The following BCL6 variants were observed in gnomAD, a reference collection of about 807,000 sequenced individuals.
The protein encoded by BCL6 is BCL6 transcription repressor.
A neutral mutation model predicts 59.5 loss-of-function variants in BCL6; 7 were observed. The ratio of observed to expected loss-of-function variants is 0.12; its 90% CI spans 0.07 to 0.22. The LOEUF is 0.22. Among genes scored for constraint, BCL6 ranks in the 10% least tolerant of loss-of-function variants. The pLI is 1.00. For missense variants in BCL6, 685 were observed against 939.4 expected (o/e 0.73, Z 3.54); for synonymous variants, 339 against 349.7 (o/e 0.97, Z 0.34).
At chr3:187,733,318 A>T (rs1719134813) in intron 3 of BCL6, among the ~76,000 whole-genome samples, 1 of 151,902 alleles carries the variant, frequency 6.6e-6, no homozygotes, top group South Asian at 2.1e-4. Context: ...CTCTATGCCC[A>T]CAGAACGTGG....
chr3:187,725,445 C>A lies in BCL6; in HGVS notation c.1839+54G>T. The A allele has an allele frequency of 6.5e-7, 1 of 1,550,002 alleles. No individual in the cohort carries two copies. Among genetic ancestry groups the A allele is most frequent in the South Asian group, 1.1e-5 (1 of 87,054 alleles). On this transcript the variant is annotated intron_variant, in intron 8 of 9. Coordinates refer to ENST00000406870, the MANE Select transcript of BCL6 (RefSeq NM_001706.5). This position sits in a 1 kb window ranked among gnomAD's most constrained non-coding sequence, Gnocchi z 4.7. ...CCGCTTGCCTGCCCACTCCTCCGCT[C>A]GCCTGCCCGCTCCGCTCGCCTGCCC...
At chr3:187,730,446 A>G (rs1273861706) in intron 4 of BCL6, among the ~76,000 whole-genome samples, 2 of 152,252 alleles carry the variant, frequency 1.3e-5, no homozygotes, top group Non-Finnish European at 2.9e-5. Context: ...ACACATAGGG[A>G]AACAGGAAAA....
At chr3:187,730,473 G>A (rs1027154449) in intron 4 of BCL6, among the ~76,000 whole-genome samples, 3 of 152,190 alleles carry the variant, frequency 2.0e-5, no homozygotes, top group African/African-American at 7.2e-5. Flanking sequence ...ATACAATGTT[G>A]GTATGACACT....
chr3:187,730,038 G>T lies in BCL6; in HGVS notation c.384-17C>A, dbSNP rs1718962501. ...TCTGCTTCACTGTGAAAGAAAAAAAGAGGAAAGACACCGGCCCCAAATCAG... is the reference window on the plus strand; with the variant it reads ...TCTGCTTCACTGTGAAAGAAAAAAATAGGAAAGACACCGGCCCCAAATCAG... On this transcript the variant is annotated splice_polypyrimidine_tract_variant and intron_variant, in intron 4 of 9. Coordinates refer to ENST00000406870, the MANE Select transcript of BCL6 (RefSeq NM_001706.5). 2.0e-6 allele frequency: 3 copies of T among 1,530,756 alleles called. No homozygotes were observed. The highest frequency in any genetic ancestry group is 2.6e-6 in the Non-Finnish European group (3 of 1,139,842). 94.8% of individuals were successfully genotyped at this position (1,530,756 alleles called of 1,614,324 possible).
Position 187,731,801 on chromosome 3 carries a change from C to A in BCL6, c.291G>T (p.Leu97Phe). 6.2e-7 allele frequency: 1 copy of A among 1,614,174 alleles called. No individual in the cohort carries two copies. Among genetic ancestry groups the A allele is most frequent in the Non-Finnish European group, 8.5e-7 (1 of 1,180,028 alleles). The change falls in exon 4 of 10, where the codon TTG becomes TTT. Residue 97 changes from leucine (L) to phenylalanine (F), a missense_variant. Physicochemically the swap from Leu to Phe is conservative, Grantham distance 22. This residue lies in a region of BCL6 where 102 missense variants were observed against 176.6 expected (regional missense o/e 0.58). Transcript: ENST00000406870. ...TCACAGCCATGATGTTGCCCTCCCG[C>A]AAATTGAGCCGAGATGTGTACATGA... ...LDFMYTSRLNLREGNIMAVMA... is the reference protein window; with the variant it reads ...LDFMYTSRLNFREGNIMAVMA...
Position 187,729,456 on chromosome 3 carries a change from C to T in BCL6, c.949G>A (p.Glu317Lys), listed in dbSNP as rs542190544. Residue 317 changes from glutamate (E) to lysine (K), a missense_variant, in exon 5 of 10, where the codon GAG (glutamate) becomes AAG (lysine). Glu to Lys is a moderately conservative substitution (Grantham distance 56). This residue lies in a region of BCL6 where 268 missense variants were observed against 263.8 expected (regional missense o/e 1.02). Transcript: ENST00000406870. The surrounding 1 kb of genome is among the most constrained non-coding windows in gnomAD (Gnocchi z 5.6). The stretch of plus-strand genomic sequence containing the variant: ...CGGTTCAGGGGTGCATTGGGGGGCT[C>T]GAAATGCAGGGCAATCTCATCTTCC... The part of the protein sequence containing the change: ...SSEDEIALHF[E>K]PPNAPLNRKG... The T allele has an allele frequency of 1.9e-5, 30 of 1,609,630 alleles. No homozygotes were observed. The highest frequency in any genetic ancestry group is 1.7e-4 in the Middle Eastern group (1 of 6,036).
intron 1 of BCL6, among the ~76,000 whole-genome samples, chr3:187,744,450 C>T (rs182036762): frequency 2.0e-5 from 3 of 152,208 alleles, no homozygotes; most frequent in Non-Finnish European, 2.9e-5. Flanking sequence ...TGTTCAACAT[C>T]CCCGCCCCCA....
chr3:187,743,893 A>C (rs1192457619), intron 1 of BCL6, among the ~76,000 whole-genome samples: 2 of 152,062 alleles, frequency 1.3e-5, no homozygotes, highest in African/African-American at 4.8e-5. Flanking sequence ...ATTTTTGCAA[A>C]ATCACTCACA....
intron 1 of BCL6, 98 bp downstream of exon 1, chr3:187,745,312 T>TG: frequency 2.5e-6 from 1 of 399,394 alleles, no homozygotes; most frequent in Non-Finnish European, 4.4e-6. Context: ...AAAGGTAAAA[T>TG]AATGATCATG....
chr3:187,744,266 T>A (rs564065129), intron 1 of BCL6, among the ~76,000 whole-genome samples: 1 of 151,952 alleles, frequency 6.6e-6, no homozygotes, highest in African/African-American at 2.4e-5. Flanking sequence ...CCTGTCGAGG[T>A]TCCCTGAGTC....
chr3:187,742,973 A>G (rs755547839), intron 1 of BCL6, among the ~76,000 whole-genome samples: 95 of 152,128 alleles, frequency 6.2e-4, no homozygotes, highest in Non-Finnish European at 1.1e-3. Flanking sequence ...TTGGTAGTAA[A>G]TAGTGAGCAA....
intron 1 of BCL6, among the ~76,000 whole-genome samples, chr3:187,741,764 T>A (rs1711605846): frequency 6.6e-6 from 1 of 152,080 alleles, no homozygotes; most frequent in African/African-American, 2.4e-5. Flanking sequence ...ACAAACCTCC[T>A]CAACACACCC....
chr3:187,730,243 T>A (rs73184660), intron 4 of BCL6, among the ~76,000 whole-genome samples: 18,616 of 152,288 alleles, frequency 0.12, 1,257 homozygotes, highest in South Asian at 0.19. Flanking sequence ...GAAGTGAGTT[T>A]CCGGCATGAT....
intron 1 of BCL6, among the ~76,000 whole-genome samples, chr3:187,735,265 A>T (rs879573236): frequency 6.6e-6 from 1 of 152,256 alleles, no homozygotes; most frequent in Non-Finnish European, 1.5e-5. Flanking sequence ...GGTTCTGTCA[A>T]CATTAACAAT....
At chr3:187,727,753 T>C (rs1469344315) in intron 6 of BCL6, among the ~76,000 whole-genome samples, 1 of 152,242 alleles carries the variant, frequency 6.6e-6, no homozygotes, top group African/African-American at 2.4e-5. Context: ...GATTTTACCC[T>C]GATTAGGTAC....
rs1372918441 is a variant in BCL6, at chr3:187,722,500, C to T, written c.2079G>A (p.Val693=). The change falls in exon 10 of 10, where the codon GTG becomes GTA. Residue 693 remains valine (V), a synonymous_variant. Coordinates refer to ENST00000406870, the MANE Select transcript of BCL6 (RefSeq NM_001706.5). Reference sequence around the variant, plus strand: ...GCTCCGGAGGCAGGTCAGTGGCTGACACGCGGTATTGCACCTTGGTGTTGG... The same window carrying T: ...GCTCCGGAGGCAGGTCAGTGGCTGATACGCGGTATTGCACCTTGGTGTTGG... ...AITNTKVQYR[V]SATDLPPELP... 1 of 1,613,866 alleles carries T rather than the reference C, an allele frequency of 6.2e-7. No individual in the cohort carries two copies. The highest frequency in any genetic ancestry group is 1.1e-5 in the South Asian group (1 of 91,054).
intron 9 of BCL6, 102 bp downstream of exon 9, chr3:187,724,839 G>C (rs962472633): frequency 1.4e-6 from 2 of 1,469,362 alleles, no homozygotes. Flanking sequence ...GGAGCAAACA[G>C]TTCCACTGCC....
rs750032802 is a variant in BCL6, at chr3:187,729,989, G to A, written c.416C>T (p.Pro139Leu). 4 of 1,586,940 alleles carry A rather than the reference G, an allele frequency of 2.5e-6. No homozygotes were observed. Among genetic ancestry groups the A allele is most frequent in the Non-Finnish European group, 3.4e-6 (4 of 1,165,040 alleles). ...EAEMVSAIKP[P>L]REEFLNSRML... is the part of the protein sequence containing the mutation. ...CCGGCTGTTGAGGAACTCTTCACGA[G>A]GAGGCTTGATGGCAGAAACCATCTC... The change falls in exon 5 of 10, where the codon CCT (proline) becomes CTT (leucine). Residue 139 changes from proline (P) to leucine (L), a missense_variant. Around this residue, in one of 7 missense-constraint regions of BCL6, gnomAD observed 268 missense variants for 263.8 expected, o/e 1.02. Transcript: ENST00000406870. The surrounding 1 kb of genome is among the most constrained non-coding windows in gnomAD (Gnocchi z 5.6).
At chr3:187,744,980 C>T (rs1367367245) in intron 1 of BCL6, among the ~76,000 whole-genome samples, 3 of 152,192 alleles carry the variant, frequency 2.0e-5, no homozygotes, top group African/African-American at 7.2e-5. Flanking sequence ...AATCACCCCC[C>T]AAGCACTGTC....
Sources: gnomAD v4.1 joint callset for allele counts (sites outside exome capture counted in the v4.1 genomes callset) on GRCh38, gnomAD v4.1.1 for gene constraint, gnomAD v4.1.1 regional missense constraint, Gnocchi (gnomAD v3.1) non-coding constraint, MANE v1.5 for transcripts, NCBI Gene and HGNC (gene_info 2026-07-23, HGNC 2026-07-21) for gene names.